EPHB2: variants seen among roughly 807,000 people sequenced by gnomAD.
The protein encoded by EPHB2 is EPH receptor B2, also known as ephrin type-B receptor 2.
Under a neutral mutation model 96.4 loss-of-function variants are expected in EPHB2, and 18 were observed. The observed-to-expected ratio is 0.19, with a 90% confidence interval of 0.13 to 0.28. The LOEUF (loss-of-function observed/expected upper bound fraction) is 0.28, where lower values mean the gene tolerates loss of function less well. Among genes scored for constraint, EPHB2 ranks in the 10% least tolerant of loss-of-function variants. EPHB2 has a pLI of 1.00. For missense variants in EPHB2, 989 were observed against 1,355.4 expected (o/e 0.73, Z 4.25); for synonymous variants, 506 against 534.1 (o/e 0.95, Z 0.72).
intron 1 of EPHB2, among the ~76,000 whole-genome samples, chr1:22,728,099 T>A (rs1005459975): frequency 6.6e-6 from 1 of 152,208 alleles, no homozygotes; most frequent in Non-Finnish European, 1.5e-5. Flanking sequence ...CATTATTTAG[T>A]CATCATTTTT....
intron 9 of EPHB2, among the ~76,000 whole-genome samples, chr1:22,902,108 G>C (rs1024166828): frequency 6.6e-6 from 1 of 152,188 alleles, no homozygotes; most frequent in African/African-American, 2.4e-5. Flanking sequence ...TTATGGGCTT[G>C]AGCCACAGTG....
chr1:22,906,187 C>T lies in EPHB2; in HGVS notation c.1888+78C>T. The T allele has an allele frequency of 6.2e-7, 1 of 1,602,596 alleles. No homozygotes were observed. Among genetic ancestry groups the T allele is most frequent in the Non-Finnish European group, 8.5e-7 (1 of 1,172,518 alleles). ...ACCACCCCAATGTATACCCTTGGGG[C>T]AGAAGGTAGGATGTGGGACAGGCGC... On this transcript the variant is annotated intron_variant, in intron 10 of 15. Coordinates refer to ENST00000374630, the MANE Select transcript of EPHB2 (RefSeq NM_017449.5). The surrounding 1 kb of genome is among the most constrained non-coding windows in gnomAD (Gnocchi z 4.8).
intron 3 of EPHB2, among the ~76,000 whole-genome samples, chr1:22,815,787 C>T (rs6682233): frequency 0.55 from 84,119 of 152,008 alleles, 25,672 homozygotes; most frequent in Non-Finnish European, 0.69. Context: ...GGCGAAGGTC[C>T]GGAGGCAGTG....
intron 6 of EPHB2, among the ~76,000 whole-genome samples, chr1:22,890,967 A>G (rs1187090564): frequency 6.6e-6 from 1 of 152,190 alleles, no homozygotes; most frequent in Non-Finnish European, 1.5e-5. Context: ...GTATGTGTGT[A>G]TAGCAGCATG....
At chr1:22,729,968 C>A (rs983007346) in intron 1 of EPHB2, among the ~76,000 whole-genome samples, 1 of 152,202 alleles carries the variant, frequency 6.6e-6, no homozygotes, top group Non-Finnish European at 1.5e-5. Context: ...TCTGTTTGTT[C>A]TTTTGGGTGA....
At chr1:22,726,579 C>G (rs547317162) in intron 1 of EPHB2, among the ~76,000 whole-genome samples, 12 of 152,196 alleles carry the variant, frequency 7.9e-5, no homozygotes, top group Non-Finnish European at 1.5e-4. Flanking sequence ...CACCACCACA[C>G]CCGGCTAATT....
intron 6 of EPHB2, chr1:22,891,242 C>T (rs1048761791): frequency 1.5e-5 from 7 of 454,980 alleles, no homozygotes; most frequent in Non-Finnish European, 3.1e-5. Flanking sequence ...AACCTCCATG[C>T]TATAAAGCCT....
chr1:22,861,795 T>G (rs921772682), intron 3 of EPHB2, among the ~76,000 whole-genome samples: 1 of 151,628 alleles, frequency 6.6e-6, no homozygotes, highest in African/African-American at 2.4e-5. Flanking sequence ...CTGGAAAAAA[T>G]GAACTAGGGA....
At chr1:22,901,926 A>G (rs1400903555) in intron 9 of EPHB2, among the ~76,000 whole-genome samples, 1 of 151,846 alleles carries the variant, frequency 6.6e-6, no homozygotes, top group Non-Finnish European at 1.5e-5. Context: ...CCTGGACTCA[A>G]GCAATCCTCC....
rs75882465 is a variant in EPHB2 at position 22,863,155 on chromosome 1, C to T, written c.930C>T (p.Tyr310=). The part of the protein sequence containing the change: ...ATNCVCRNGY[Y]RADLDPLDMP... ...ACTGTGTCTGCCGCAATGGCTACTACAGAGCAGACCTGGACCCCCTGGACA... is the reference window on the plus strand; with the variant it reads ...ACTGTGTCTGCCGCAATGGCTACTATAGAGCAGACCTGGACCCCCTGGACA... The change falls in exon 4 of 16, where the codon TAC becomes TAT. Residue 310 remains tyrosine (Y), a synonymous_variant. Coordinates refer to ENST00000374630, the MANE Select transcript of EPHB2 (RefSeq NM_017449.5). The T allele has an allele frequency of 1.9e-3, 3,106 of 1,614,214 alleles. 45 individuals carry two copies. The African/African-American group carries it at 0.035, about 18-fold the overall frequency.
Position 22,710,857 on chromosome 1 carries a change from T to TGGC in EPHB2, c.-119_-117dup, listed in dbSNP as rs1643115512. On this transcript the variant is annotated 5_prime_UTR_variant, in exon 1 of 16. Coordinates refer to ENST00000374630, the MANE Select transcript of EPHB2 (RefSeq NM_017449.5). ...ATGGCTCATTCTGCTGGCTGCGCGG[T>TGGC]GGCGGCGGCTGTGTGTGCGCCGCGC... is the stretch of plus-strand genomic sequence containing the variant. 6.9e-6 allele frequency: 1 copy of TGGC among 145,574 alleles called. No individual in the cohort carries two copies. The highest frequency in any genetic ancestry group is 1.5e-5 in the Non-Finnish European group (1 of 65,620). The allele number at this position is 145,574 out of a possible 1,614,324, so 9.0% of individuals were successfully genotyped here. A position where few individuals can be genotyped will look rare whatever the true frequency, so the allele number is the denominator to read the frequency against.
At chr1:22,713,940 C>T (rs527529469) in intron 1 of EPHB2, among the ~76,000 whole-genome samples, 1 of 152,276 alleles carries the variant, frequency 6.6e-6, no homozygotes, top group Non-Finnish European at 1.5e-5. Flanking sequence ...TGTGAAGTGG[C>T]GGCGAGCAGG....
At chr1:22,734,495 C>T (rs1266625845) in intron 1 of EPHB2, among the ~76,000 whole-genome samples, 1 of 150,166 alleles carries the variant, frequency 6.7e-6, no homozygotes, top group Non-Finnish European at 1.5e-5. Flanking sequence ...AATCTCTGCT[C>T]ACTGCAACCT....
intron 3 of EPHB2, among the ~76,000 whole-genome samples, chr1:22,804,698 T>A (rs1270738381): frequency 1.5e-5 from 2 of 129,222 alleles, no homozygotes; most frequent in East Asian, 5.6e-4. Flanking sequence ...TTCCCGCCCC[T>A]CCCAGCTCTC....
intron 1 of EPHB2, among the ~76,000 whole-genome samples, chr1:22,741,742 C>T (rs186363990): frequency 2.1e-4 from 31 of 147,578 alleles, no homozygotes; most frequent in African/African-American, 6.2e-4. Flanking sequence ...AGTGCAATAA[C>T]GAAAACAAGG....
At chr1:22,898,687 C>T (rs1639649318) in intron 9 of EPHB2, among the ~76,000 whole-genome samples, 1 of 152,026 alleles carries the variant, frequency 6.6e-6, no homozygotes, top group Non-Finnish European at 1.5e-5. Flanking sequence ...TGCAAGGAGA[C>T]CAGTGGGGTG....
chr1:22,874,469 C>T (rs1638773741), intron 5 of EPHB2, among the ~76,000 whole-genome samples: 1 of 152,178 alleles, frequency 6.6e-6, no homozygotes, highest in Non-Finnish European at 1.5e-5. Context: ...CCCAGGGCCT[C>T]GCCTCAGCCC....
At chr1:22,874,122 C>G (rs1012015463) in intron 5 of EPHB2, among the ~76,000 whole-genome samples, 1 of 152,206 alleles carries the variant, frequency 6.6e-6, no homozygotes, top group African/African-American at 2.4e-5. Flanking sequence ...TTCCAGAGCA[C>G]TCAGCTACTC....
intron 1 of EPHB2, among the ~76,000 whole-genome samples, chr1:22,736,656 C>T (rs1216199540): frequency 2.0e-5 from 3 of 152,194 alleles, no homozygotes; most frequent in African/African-American, 7.2e-5. Flanking sequence ...GCCTCCGCAG[C>T]GCGGCATGTT....
Sources: gnomAD v4.1 joint callset for allele counts (sites outside exome capture counted in the v4.1 genomes callset) on GRCh38, gnomAD v4.1.1 for gene constraint, Gnocchi (gnomAD v3.1) non-coding constraint, MANE v1.5 for transcripts, NCBI Gene and HGNC (gene_info 2026-07-23, HGNC 2026-07-21) for gene names.